Variants in AHCY observed in about 807,000 individuals in gnomAD.
AHCY encodes the protein S-adenosyl-L-homocysteine hydrolase.
Under a neutral mutation model 45.4 loss-of-function variants are expected in AHCY, and 24 were observed. The observed-to-expected ratio is 0.53, with a 90% CI of 0.38 to 0.74. The LOEUF (loss-of-function observed/expected upper bound fraction) is 0.74, where lower values mean the gene tolerates loss of function less well. Ranked by LOEUF, AHCY falls within the 30% of genes least tolerant of loss-of-function variation. The pLI is 0.00. For synonymous variants in AHCY, 245 were observed against 235.1 expected (o/e 1.04, Z -0.39); for missense variants, 449 against 594.1 (o/e 0.76, Z 2.54).
At chr20:34,263,793 C>T in the AHCY span, among the ~76,000 whole-genome samples, 1 of 151,794 alleles carries the variant, frequency 6.6e-6, no homozygotes, top group East Asian at 2.0e-4. Flanking sequence ...CTCAGCCTCC[C>T]GAGTAGCTGG....
intron 1 of AHCY, among the ~76,000 whole-genome samples, chr20:34,301,350 G>A (rs1032106019): frequency 7.9e-5 from 12 of 152,202 alleles, no homozygotes; most frequent in Admixed American, 3.9e-4. Flanking sequence ...AGGACACTGT[G>A]CCAGCCCCAC....
chr20:34,300,535 C>T (rs569670179), intron 1 of AHCY, among the ~76,000 whole-genome samples: 1 of 152,286 alleles, frequency 6.6e-6, no homozygotes, highest in Non-Finnish European at 1.5e-5. Context: ...AAGCAGTTCT[C>T]GGCCTGGAAG....
At chr20:34,258,990 C>T in the AHCY span, among the ~76,000 whole-genome samples, 4 of 145,542 alleles carry the variant, frequency 2.7e-5, no homozygotes, top group South Asian at 8.6e-4. Context: ...ATCACTTGAG[C>T]CCAGGAGTTC....
chr20:34,235,892 A>AGCG, the AHCY span, among the ~76,000 whole-genome samples: 13 of 107,122 alleles, frequency 1.2e-4, no homozygotes, highest in African/African-American at 9.1e-4. Flanking sequence ...GAAGGAAGGA[A>AGCG]GGAAGGAAAG....
chr20:34,256,384 T>C, the AHCY span, among the ~76,000 whole-genome samples: 2 of 152,204 alleles, frequency 1.3e-5, no homozygotes, highest in Non-Finnish European at 2.9e-5. Flanking sequence ...TCTTGTGTCT[T>C]TATTTCTACG....
chr20:34,296,426 A>G (rs1429752773), intron 1 of AHCY, among the ~76,000 whole-genome samples: 1 of 152,158 alleles, frequency 6.6e-6, no homozygotes, highest in African/African-American at 2.4e-5. Context: ...ATAAAAGGTA[A>G]TATTTCAGGT....
At chr20:34,273,019 C>T in the AHCY span, among the ~76,000 whole-genome samples, 3 of 152,294 alleles carry the variant, frequency 2.0e-5, no homozygotes, top group South Asian at 6.2e-4. Context: ...TCTAGGAACC[C>T]CAGCATGTCT....
chr20:34,264,366 T>C, the AHCY span, among the ~76,000 whole-genome samples: 1 of 152,198 alleles, frequency 6.6e-6, no homozygotes, highest in Non-Finnish European at 1.5e-5. Context: ...TGTGAGCTAA[T>C]CATCTCTGCA....
the AHCY span, among the ~76,000 whole-genome samples, chr20:34,248,957 A>G: frequency 2.8e-5 from 4 of 144,956 alleles, no homozygotes; most frequent in Admixed American, 1.4e-4. Flanking sequence ...ATCTCTACCA[A>G]AAATACAAAA....
the AHCY span, among the ~76,000 whole-genome samples, chr20:34,257,064 C>CTCTTTT: frequency 8.0e-6 from 1 of 125,602 alleles, no homozygotes; most frequent in Admixed American, 8.8e-5. Context: ...CTCTCTCTTT[C>CTCTTTT]TTTCTCTTTT....
chr20:34,310,960 T>C (rs2036941677), intron 1 of AHCY, among the ~76,000 whole-genome samples: 1 of 151,556 alleles, frequency 6.6e-6, no homozygotes, highest in Admixed American at 6.6e-5. Flanking sequence ...ATCCCATCTC[T>C]ACTAAAAATA....
At chr20:34,233,814 C>T in the AHCY span, among the ~76,000 whole-genome samples, 1 of 152,134 alleles carries the variant, frequency 6.6e-6, no homozygotes, top group African/African-American at 2.4e-5. Flanking sequence ...ACTAGAACAG[C>T]AAAACCATTA....
At position 34,291,419 on chromosome 20, in the gene AHCY, C is replaced by G. The variant is rs1007263354; in HGVS notation, c.558G>C (p.Lys186Asn). The stretch of plus-strand genomic sequence containing the variant: ...GAGCTGTCACTGCCCCTCGGCTCAC[C>G]TTGGTGACGGAGTCATTGACATTGA... ...PAINVNDSVT[K>N]SKFDNLYGCR... Residue 186 changes from lysine to asparagine, a missense_variant and splice_region_variant, in exon 5 of 10, where the codon AAG (lysine) becomes AAC (asparagine). Lys to Asn is a moderately conservative substitution (Grantham distance 94). Transcript: ENST00000217426. The G allele has an allele frequency of 1.2e-6, 2 of 1,613,626 alleles. No homozygotes were observed. Among genetic ancestry groups the G allele is most frequent in the African/African-American group, 1.3e-5 (1 of 74,926 alleles).
rs577419934 is a variant in AHCY, at chr20:34,292,381, G to A, written c.422C>T (p.Thr141Ile). The change falls in exon 4 of 10, where the codon ACC becomes ATC. Residue 141 changes from threonine (T) to isoleucine (I), a missense_variant. Physicochemically the swap from Thr to Ile is moderately conservative, Grantham distance 89 (BLOSUM62 -1). Coordinates refer to ENST00000217426, the MANE Select transcript of AHCY (RefSeq NM_000687.4). ...ACCTGGCAGAAGCTGCGGGTACTTG[G>A]TGTGGATGAGGTTGGTGAGGTCGCC... ...DGGDLTNLIH[T>I]KYPQLLPGIR... 6.2e-7 allele frequency: 1 copy of A among 1,613,524 alleles called. No individual in the cohort carries two copies. The highest frequency in any genetic ancestry group is 8.5e-7 in the Non-Finnish European group (1 of 1,180,024).
the AHCY span, among the ~76,000 whole-genome samples, chr20:34,258,719 T>C: frequency 2.8e-4 from 12 of 42,950 alleles, no homozygotes; most frequent in Non-Finnish European, 5.5e-4. Context: ...TTATATATAT[T>C]ATAAAATATA....
chr20:34,289,561 C>T (rs1165588850), intron 8 of AHCY, among the ~76,000 whole-genome samples: 5 of 147,304 alleles, frequency 3.4e-5, no homozygotes, highest in South Asian at 2.2e-4. Context: ...CTGCAACCTC[C>T]GCCTCCCAGC....
the AHCY span, among the ~76,000 whole-genome samples, chr20:34,235,555 G>A: frequency 6.6e-6 from 1 of 152,178 alleles, no homozygotes; most frequent in Admixed American, 6.5e-5. Flanking sequence ...TGAAGACCAG[G>A]CAACAGAAGT....
At position 34,295,435 on chromosome 20, in the gene AHCY, G is replaced by A; in HGVS notation, c.179C>T (p.Thr60Met). ...IAGCLHMTVE[T>M]AVLIETLVTL... is the part of the protein sequence containing the mutation. ...GACGAGGGTCTCAATGAGGACGGCC[G>A]TCTCCACGGTCATGTGCAGGCAGCC... The change falls in exon 2 of 10, where the codon ACG becomes ATG. Residue 60 changes from threonine to methionine, a missense_variant. Thr to Met is a moderately conservative substitution (Grantham distance 81, BLOSUM62 -1). Transcript: ENST00000217426. 3.7e-6 allele frequency: 6 copies of A among 1,614,106 alleles called. No individual in the cohort carries two copies. The highest frequency in any genetic ancestry group is 5.1e-6 in the Non-Finnish European group (6 of 1,179,984).
the AHCY span, among the ~76,000 whole-genome samples, chr20:34,251,002 T>C: frequency 6.6e-6 from 1 of 152,168 alleles, no homozygotes; most frequent in Non-Finnish European, 1.5e-5. Flanking sequence ...ATCTTGCACA[T>C]TAGCATACAT....
Sources: allele counts gnomAD v4.1 joint callset (sites outside exome capture counted in the v4.1 genomes callset), GRCh38; gene constraint gnomAD v4.1.1; transcripts MANE v1.5; gene names NCBI Gene and HGNC (gene_info 2026-07-23, HGNC 2026-07-21).